The following NCAM2 variants were observed in gnomAD, a reference collection of about 807,000 sequenced individuals.
NCAM2 encodes the protein neural cell adhesion molecule 2, also known as N-CAM-2.
NCAM2 carries 30 observed loss-of-function variants against 98.1 expected under a neutral mutation model. The observed-to-expected ratio is 0.31, with a 90% CI of 0.23 to 0.41. The LOEUF is 0.41. Among genes scored for constraint, NCAM2 ranks in the 10% least tolerant of loss-of-function variants. The probability of loss-of-function intolerance (pLI) is 1.00; values close to 1 mark genes in which losing one functional copy is unlikely to be tolerated. For synonymous variants in NCAM2, 368 were observed against 342.4 expected, an observed-to-expected ratio of 1.07 and a Z score of -0.83; for missense variants, 867 against 1,005.8, an observed-to-expected ratio of 0.86 and a Z score of 1.87.
At chr21:21,101,213 G>T (rs2066233973) in intron 1 of NCAM2, among the ~76,000 whole-genome samples, 1 of 151,770 alleles carries the variant, frequency 6.6e-6, no homozygotes, top group Non-Finnish European at 1.5e-5. Flanking sequence ...TTTTCCTTAA[G>T]ATATTAATAT....
chr21:21,009,122 C>T (rs1396930179), intron 1 of NCAM2, among the ~76,000 whole-genome samples: 1 of 152,024 alleles, frequency 6.6e-6, no homozygotes, highest in African/African-American at 2.4e-5. Flanking sequence ...ATGTGTATTC[C>T]TAGAACATGG....
chr21:21,499,167 G>A (rs2026865), intron 15 of NCAM2, among the ~76,000 whole-genome samples: 60,977 of 152,056 alleles, frequency 0.4, 13,492 homozygotes, highest in Middle Eastern at 0.55. Context: ...AGTAAAATGC[G>A]TAGCTAAAAG....
chr21:21,217,253 G>A (rs1267306008), intron 1 of NCAM2, among the ~76,000 whole-genome samples: 2 of 152,096 alleles, frequency 1.3e-5, no homozygotes, highest in African/African-American at 2.4e-5. Context: ...AACACTTATG[G>A]AAAATCAATG....
intron 1 of NCAM2, among the ~76,000 whole-genome samples, chr21:21,202,666 G>A (rs997984886): frequency 2.6e-5 from 4 of 151,876 alleles, no homozygotes; most frequent in East Asian, 1.9e-4. Context: ...TCTGCCCACC[G>A]CAGCCTCCCA....
At chr21:21,402,090 A>G (rs1009442711) in intron 9 of NCAM2, among the ~76,000 whole-genome samples, 1 of 152,146 alleles carries the variant, frequency 6.6e-6, no homozygotes, top group African/African-American at 2.4e-5. Flanking sequence ...ACAATATGAA[A>G]TGAGTGCACC....
intron 12 of NCAM2, among the ~76,000 whole-genome samples, chr21:21,452,587 G>GTATATA (rs1187789177): frequency 1.3e-5 from 1 of 78,868 alleles, no homozygotes; most frequent in Non-Finnish European, 2.6e-5. Context: ...TATATATATT[G>GTATATA]TATTGTGCAT....
intron 1 of NCAM2, among the ~76,000 whole-genome samples, chr21:21,268,674 T>G (rs1461923024): frequency 6.6e-6 from 1 of 152,176 alleles, no homozygotes; most frequent in Non-Finnish European, 1.5e-5. Flanking sequence ...CCCATAATTC[T>G]TATCTCTCTT....
At chr21:21,244,208 G>A (rs1461048085) in intron 1 of NCAM2, among the ~76,000 whole-genome samples, 2 of 151,990 alleles carry the variant, frequency 1.3e-5, no homozygotes, top group African/African-American at 4.8e-5. Context: ...TGACTAGCTA[G>A]CCAAAAGAAT....
chr21:21,195,777 A>G (rs2068982743), intron 1 of NCAM2, among the ~76,000 whole-genome samples: 1 of 152,180 alleles, frequency 6.6e-6, no homozygotes. Context: ...GCTGTAATGC[A>G]CACTCCAAAG....
intron 1 of NCAM2, among the ~76,000 whole-genome samples, chr21:21,015,492 C>G (rs1366300012): frequency 6.6e-6 from 1 of 152,068 alleles, no homozygotes; most frequent in East Asian, 1.9e-4. Flanking sequence ...TCTTTTTTAG[C>G]AATAAAACAT....
intron 5 of NCAM2, among the ~76,000 whole-genome samples, chr21:21,310,456 G>C (rs1448619889): frequency 6.6e-6 from 1 of 152,124 alleles, no homozygotes; most frequent in Non-Finnish European, 1.5e-5. Flanking sequence ...AAAGAGAAGA[G>C]TCTGATGAAC....
intron 1 of NCAM2, among the ~76,000 whole-genome samples, chr21:21,089,242 A>G (rs560516095): frequency 6.6e-6 from 1 of 152,284 alleles, no homozygotes; most frequent in Admixed American, 6.5e-5. Context: ...GGGAACAGTT[A>G]TTGCTAGTAA....
At chr21:21,025,919 A>G (rs1303844772) in intron 1 of NCAM2, among the ~76,000 whole-genome samples, 2 of 152,238 alleles carry the variant, frequency 1.3e-5, no homozygotes, top group Non-Finnish European at 2.9e-5. Context: ...CCTTTGGGCA[A>G]TTGATGTGAA....
At chr21:21,438,853 A>AG (rs1305522781) in intron 12 of NCAM2, among the ~76,000 whole-genome samples, 3 of 151,946 alleles carry the variant, frequency 2.0e-5, no homozygotes, top group African/African-American at 7.3e-5. Flanking sequence ...GAAGGTACGG[A>AG]GGGAGAATTG....
At chr21:21,073,803 C>T (rs545961712) in intron 1 of NCAM2, among the ~76,000 whole-genome samples, 197 of 152,304 alleles carry the variant, frequency 1.3e-3, no homozygotes, top group African/African-American at 4.7e-3. Context: ...TTTTAGGTCA[C>T]ATAACATGAC....
intron 8 of NCAM2, among the ~76,000 whole-genome samples, chr21:21,344,676 C>T (rs1479961763): frequency 6.6e-6 from 1 of 152,172 alleles, no homozygotes; most frequent in African/African-American, 2.4e-5. Context: ...GACAGCACCT[C>T]TGGACCCACC....
At chr21:21,274,332 A>G (rs1391219946) in intron 1 of NCAM2, among the ~76,000 whole-genome samples, 1 of 152,140 alleles carries the variant, frequency 6.6e-6, no homozygotes, top group Non-Finnish European at 1.5e-5. Context: ...CTTTAACTTT[A>G]TTTTCTTGTT....
intron 1 of NCAM2, among the ~76,000 whole-genome samples, chr21:21,272,984 TACACACACAC>T (rs60333494): frequency 6.3e-5 from 9 of 143,260 alleles, no homozygotes; most frequent in African/African-American, 7.9e-5. Flanking sequence ...TTCACACACA[TACACACACAC>T]ACACACACAC....
intron 15 of NCAM2, among the ~76,000 whole-genome samples, chr21:21,486,164 C>A (rs1016603466): frequency 6.6e-6 from 1 of 151,776 alleles, no homozygotes; most frequent in Admixed American, 6.6e-5. Flanking sequence ...ATTAGCCGGG[C>A]GTGGTGGCGG....
Sources: allele counts gnomAD v4.1 joint callset (sites outside exome capture counted in the v4.1 genomes callset), GRCh38; gene constraint gnomAD v4.1.1; transcripts MANE v1.5; gene names NCBI Gene and HGNC (gene_info 2026-07-23, HGNC 2026-07-21).